Variants in AGAP1 observed in about 807,000 individuals in gnomAD.
AGAP1 encodes ArfGAP with GTPase domain, ankyrin repeat and PH domain 1, also known as arf-GAP with GTPase, ANK repeat and PH domain-containing protein 1.
A neutral mutation model predicts 105.3 loss-of-function variants in AGAP1; 29 were observed. The observed-to-expected ratio is 0.28, with a 90% CI of 0.21 to 0.38. The LOEUF (loss-of-function observed/expected upper bound fraction) is 0.38. Among genes scored for constraint, AGAP1 ranks in the 10% least tolerant of loss-of-function variants. AGAP1 has a pLI of 1.00. For missense variants in AGAP1, 998 were observed against 1,165.1 expected, an observed-to-expected ratio of 0.86 and a Z score of 2.09; for synonymous variants, 509 against 485.9, an observed-to-expected ratio of 1.05 and a Z score of -0.63.
Position 236,124,428 on chromosome 2 carries a change from GT to G in AGAP1, c.*307del. 2.4e-6 allele frequency: 1 copy of G among 412,666 alleles called. No individual in the cohort carries two copies. The highest frequency in any genetic ancestry group is 4.7e-5 in the East Asian group (1 of 21,242). The allele number at this position is 412,666 out of a possible 1,614,324, so 25.6% of individuals were successfully genotyped here. On this transcript the variant is annotated 3_prime_UTR_variant, in exon 18 of 18. Transcript: ENST00000304032. This position sits in a 1 kb window ranked among gnomAD's most constrained non-coding sequence, Gnocchi z 5.1. The stretch of plus-strand genomic sequence containing the variant: ...CACATGGCGCAGGACCCTTGTCCTG[GT>G]GGCACAAGGGATGGGGACGCGAGGG...
Position 235,535,052 on chromosome 2 carries a change from T to G in AGAP1, c.163+40203T>G, listed in dbSNP as rs1943165072. On this transcript the variant is annotated intron_variant, in intron 1 of 17. Coordinates refer to ENST00000304032, the MANE Select transcript of AGAP1 (RefSeq NM_001037131.3). The surrounding 1 kb of genome is among the most constrained non-coding windows in gnomAD (Gnocchi z 5.1). The stretch of plus-strand genomic sequence containing the variant: ...CCTATTCCCAGATACTCGCTGGAGT[T>G]GGAGCACACATGTCTGCAGATGTAA... Among the ~76,000 whole-genome samples, 1 of 152,114 alleles carries G rather than the reference T, an allele frequency of 6.6e-6. No individual in the cohort carries two copies. The highest frequency in any genetic ancestry group is 1.5e-5 in the Non-Finnish European group (1 of 68,024).
chr2:235,775,496 TAAAGAC>T (rs976892048), intron 6 of AGAP1, among the ~76,000 whole-genome samples: 2 of 152,296 alleles, frequency 1.3e-5, no homozygotes, highest in East Asian at 1.9e-4. Context: ...ACCTATTTCT[TAAAGAC>T]AAAAAAGAAA....
At chr2:235,585,067 C>T (rs1465722510) in intron 1 of AGAP1, among the ~76,000 whole-genome samples, 1 of 152,024 alleles carries the variant, frequency 6.6e-6, no homozygotes, top group East Asian at 1.9e-4. Context: ...TCTTGTAGCT[C>T]TGGCCTTTTT....
intron 1 of AGAP1, among the ~76,000 whole-genome samples, chr2:235,618,373 G>A (rs748573871): frequency 2.0e-5 from 3 of 152,198 alleles, no homozygotes; most frequent in Middle Eastern, 3.4e-3. Flanking sequence ...ATGTGACTAG[G>A]TTCTGTTGTC....
intron 1 of AGAP1, among the ~76,000 whole-genome samples, chr2:235,521,738 A>ATGTGTGTGTG (rs57501632): frequency 3.4e-5 from 4 of 116,682 alleles, no homozygotes; most frequent in African/African-American, 1.9e-4. Context: ...TGTTTGTTAT[A>ATGTGTGTGTG]TATATGTGTG....
intron 10 of AGAP1, among the ~76,000 whole-genome samples, chr2:235,894,132 A>T (rs533919149): frequency 1.1e-4 from 16 of 152,326 alleles, no homozygotes; most frequent in African/African-American, 3.8e-4. Flanking sequence ...GCAACAAACC[A>T]ACGTTGCTGT....
At chr2:235,798,685 CTGGGCAACG>C (rs1468771124) in intron 7 of AGAP1, among the ~76,000 whole-genome samples, 3 of 151,942 alleles carry the variant, frequency 2.0e-5, no homozygotes, top group Non-Finnish European at 2.9e-5. Context: ...CAAGACCAGC[CTGGGCAACG>C]TGGCAGAACC....
At chr2:235,910,342 A>T (rs1212200553) in intron 11 of AGAP1, among the ~76,000 whole-genome samples, 2 of 7,630 alleles carry the variant, frequency 2.6e-4, no homozygotes, top group Admixed American at 3.6e-3. Context: ...CTGGATACAA[A>T]CACAAGCTGT....
intron 13 of AGAP1, among the ~76,000 whole-genome samples, chr2:236,028,626 G>T (rs931983311): frequency 1.3e-5 from 2 of 152,046 alleles, no homozygotes; most frequent in African/African-American, 4.8e-5. Flanking sequence ...TAGGTGATTT[G>T]GGGTTTTCTA....
intron 1 of AGAP1, among the ~76,000 whole-genome samples, chr2:235,613,323 T>C (rs1946201114): frequency 6.6e-6 from 1 of 152,240 alleles, no homozygotes; most frequent in Non-Finnish European, 1.5e-5. Flanking sequence ...CCTGAGATTT[T>C]TGAGGCAAGC....
At chr2:235,797,917 T>C in intron 7 of AGAP1, 31 bp downstream of exon 7, 4 of 1,612,760 alleles carry the variant, frequency 2.5e-6, no homozygotes, top group Non-Finnish European at 3.4e-6. Flanking sequence ...AGTCAGACTC[T>C]TAGAACCAAA....
At position 235,719,002 on chromosome 2, in the gene AGAP1, T is replaced by C. The variant is rs890195055; in HGVS notation, c.310+1358T>C. 9.9e-5 allele frequency among the ~76,000 whole-genome samples: 15 copies of C among 152,080 alleles called. No individual in the cohort carries two copies. Among genetic ancestry groups the C allele is most frequent in the Middle Eastern group, 3.4e-3 (1 of 294 alleles). On this transcript the variant is annotated intron_variant, in intron 3 of 17. Transcript: ENST00000304032. This position sits in a 1 kb window ranked among gnomAD's most constrained non-coding sequence, Gnocchi z 4.9. ...TGGTGACACCTTTTAGAGAATCTTTTAGAGATTTTTCCTTTGGGTTTTCCA... is the reference window on the plus strand; with the variant it reads ...TGGTGACACCTTTTAGAGAATCTTTCAGAGATTTTTCCTTTGGGTTTTCCA...
intron 13 of AGAP1, among the ~76,000 whole-genome samples, chr2:235,986,956 G>A (rs2055338543): frequency 6.6e-6 from 1 of 151,996 alleles, no homozygotes. Flanking sequence ...GTCTCTTCCT[G>A]GTTTTGGTAT....
rs750472827 is a variant in AGAP1 at position 236,056,948 on chromosome 2, G to A, written c.2114+7667G>A. Among the ~76,000 whole-genome samples, 2 of 152,300 alleles carry A rather than the reference G, an allele frequency of 1.3e-5. No individual in the cohort carries two copies. Among genetic ancestry groups the A allele is most frequent in the East Asian group, 1.9e-4 (1 of 5,180 alleles). On this transcript the variant is annotated intron_variant, in intron 16 of 17. Transcript: ENST00000304032. The surrounding 1 kb of genome is among the most constrained non-coding windows in gnomAD (Gnocchi z 4.6). ...ATGTTTAGCAGCACCACTCCCACTC[G>A]CCCCTGGTCAGTTTCTATCTCAGTA... is the stretch of plus-strand genomic sequence containing the variant.
rs1431258399 is a variant in AGAP1 at position 235,709,219 on chromosome 2, T to C, written c.204T>C (p.Ser68=). ...VNSQEWTLSR[S]VPELKVGIVG... is the part of the protein sequence containing the mutation. ...GCCAGGAATGGACGCTGAGTCGATC[T>C]GTCCCGGAGCTCAAAGTGGTGAGTG... is the stretch of plus-strand genomic sequence containing the variant. The change falls in exon 2 of 18, where the codon TCT becomes TCC. Residue 68 remains serine (S), a synonymous_variant. Coordinates refer to ENST00000304032, the MANE Select transcript of AGAP1 (RefSeq NM_001037131.3). The C allele has an allele frequency of 6.2e-7, 1 of 1,614,052 alleles. No homozygotes were observed. The highest frequency in any genetic ancestry group is 1.3e-5 in the African/African-American group (1 of 74,924).
intron 9 of AGAP1, among the ~76,000 whole-genome samples, chr2:235,817,627 A>G (rs1315672760): frequency 1.3e-5 from 2 of 152,118 alleles, no homozygotes; most frequent in Non-Finnish European, 2.9e-5. Flanking sequence ...GCGGTGCGTC[A>G]TGCCTGTAAT....
At position 235,642,481 on chromosome 2, in the gene AGAP1, C is replaced by T. The variant is rs193189238; in HGVS notation, c.164-66698C>T. 7.0e-5 allele frequency among the ~76,000 whole-genome samples: 10 copies of T among 143,166 alleles called. No individual in the cohort carries two copies. Among genetic ancestry groups the T allele is most frequent in the Non-Finnish European group, 8.0e-5 (5 of 62,578 alleles). The allele number at this position is 143,166 out of a possible 152,430, so 93.9% of individuals were successfully genotyped here. A position where few individuals can be genotyped will look rare whatever the true frequency, so the allele number is the denominator to read the frequency against. On this transcript the variant is annotated intron_variant, in intron 1 of 17. Transcript: ENST00000304032. The surrounding 1 kb of genome is among the most constrained non-coding windows in gnomAD (Gnocchi z 4.1). Reference sequence around the variant, plus strand: ...CAGCCCTCTGGATGGGGATTTGGGTCTTGGTTTTGCCAGCACTCCCAGTGG... The same window carrying T: ...CAGCCCTCTGGATGGGGATTTGGGTTTTGGTTTTGCCAGCACTCCCAGTGG...
chr2:235,670,498 G>T, intron 1 of AGAP1: 1 of 504,244 alleles, frequency 2.0e-6, no homozygotes, highest in Non-Finnish European at 3.5e-6. Context: ...GACGCGGCTC[G>T]CCCGCGTCCG....
intron 1 of AGAP1, among the ~76,000 whole-genome samples, chr2:235,538,460 T>TGTGTGTGTGTGTGCGC (rs1553561884): frequency 3.2e-4 from 48 of 150,560 alleles, no homozygotes; most frequent in African/African-American, 1.1e-3. Flanking sequence ...TGTGTGTGTG[T>TGTGTGTGTGTGTGCGC]GCATGCTTGT....
Sources: gnomAD v4.1 joint callset for allele counts (sites outside exome capture counted in the v4.1 genomes callset) on GRCh38, gnomAD v4.1.1 for gene constraint, Gnocchi (gnomAD v3.1) non-coding constraint, MANE v1.5 for transcripts, NCBI Gene and HGNC (gene_info 2026-07-23, HGNC 2026-07-21) for gene names.